PPARGC1A: variants seen among roughly 807,000 people sequenced by gnomAD.
PPARGC1A encodes the protein PPARG coactivator 1 alpha.
PPARGC1A carries 25 observed loss-of-function variants against 88.7 expected under a neutral mutation model. The ratio of observed to expected loss-of-function variants is 0.28; its 90% CI spans 0.21 to 0.39. The LOEUF (loss-of-function observed/expected upper bound fraction) is 0.39. PPARGC1A is among the 10% of genes least tolerant of loss of function. PPARGC1A has a pLI of 1.00. For synonymous variants in PPARGC1A, 363 were observed against 355.6 expected (o/e 1.02, Z -0.24); for missense variants, 880 against 968.7 (o/e 0.91, Z 1.22).
chr4:24,049,579 C>T, the PPARGC1A span, among the ~76,000 whole-genome samples: 1 of 151,932 alleles, frequency 6.6e-6, no homozygotes, highest in African/African-American at 2.4e-5. Flanking sequence ...AGTTGTATTA[C>T]ACATGCTTTA....
the PPARGC1A span, among the ~76,000 whole-genome samples, chr4:23,994,803 A>G: frequency 1.3e-5 from 2 of 152,302 alleles, no homozygotes; most frequent in East Asian, 3.9e-4. Context: ...CAGAAATGAC[A>G]GTGACTAGAC....
the PPARGC1A span, among the ~76,000 whole-genome samples, chr4:23,919,325 C>T: frequency 2.0e-5 from 3 of 151,900 alleles, no homozygotes; most frequent in Non-Finnish European, 4.4e-5. Flanking sequence ...CCTAAAAATT[C>T]GGCTTCACAT....
chr4:24,104,883 A>G, the PPARGC1A span, among the ~76,000 whole-genome samples: 16 of 152,208 alleles, frequency 1.1e-4, no homozygotes, highest in Non-Finnish European at 2.4e-4. Context: ...CAAATACTGC[A>G]GTTCACCAGC....
the PPARGC1A span, among the ~76,000 whole-genome samples, chr4:24,034,989 T>G: frequency 6.6e-6 from 1 of 152,132 alleles, no homozygotes; most frequent in Non-Finnish European, 1.5e-5. Context: ...ATAAAGAAAC[T>G]TGCAGCCACA....
the PPARGC1A span, among the ~76,000 whole-genome samples, chr4:24,200,622 C>A: frequency 9.0e-6 from 1 of 111,118 alleles, no homozygotes; most frequent in Non-Finnish European, 1.8e-5. Context: ...ACAAATGGAG[C>A]TTTAATGTAA....
chr4:24,040,614 C>A, the PPARGC1A span, among the ~76,000 whole-genome samples: 1 of 152,250 alleles, frequency 6.6e-6, no homozygotes, highest in Non-Finnish European at 1.5e-5. Flanking sequence ...AAAAAGCAGT[C>A]TAATTACAAT....
the PPARGC1A span, among the ~76,000 whole-genome samples, chr4:23,911,219 C>A: frequency 6.6e-6 from 1 of 152,176 alleles, no homozygotes; most frequent in Non-Finnish European, 1.5e-5. Context: ...TTCCTCCCCC[C>A]TCCCCTACTT....
the PPARGC1A span, among the ~76,000 whole-genome samples, chr4:23,992,517 A>C: frequency 8.5e-5 from 13 of 152,114 alleles, no homozygotes; most frequent in South Asian, 2.7e-3. Flanking sequence ...TAACTTGCCT[A>C]CCAAGTTTGC....
the PPARGC1A span, among the ~76,000 whole-genome samples, chr4:24,386,125 G>C: frequency 6.6e-6 from 1 of 152,036 alleles, no homozygotes; most frequent in Non-Finnish European, 1.5e-5. Flanking sequence ...CACATAAACA[G>C]AACCAATGAA....
chr4:24,241,533 C>T, the PPARGC1A span, among the ~76,000 whole-genome samples: 2 of 152,218 alleles, frequency 1.3e-5, no homozygotes. Flanking sequence ...CCTTTGGACT[C>T]ACAATGTGTT....
the PPARGC1A span, among the ~76,000 whole-genome samples, chr4:24,049,320 A>ATATATATATG: frequency 6.9e-6 from 1 of 145,486 alleles, no homozygotes. Context: ...ATATATATAT[A>ATATATATATG]TATGTGTGTG....
chr4:24,421,406 GT>G, the PPARGC1A span, among the ~76,000 whole-genome samples: 1 of 151,430 alleles, frequency 6.6e-6, no homozygotes, highest in East Asian at 1.9e-4. Context: ...CGCCTCCCGG[GT>G]TCACGCCCTT....
chr4:24,084,474 C>G, the PPARGC1A span, among the ~76,000 whole-genome samples: 1 of 152,174 alleles, frequency 6.6e-6, no homozygotes, highest in South Asian at 2.1e-4. Context: ...GAGAAAGGAG[C>G]AGAACTGTGC....
At chr4:23,924,384 T>C in the PPARGC1A span, among the ~76,000 whole-genome samples, 1 of 152,134 alleles carries the variant, frequency 6.6e-6, no homozygotes, top group Non-Finnish European at 1.5e-5. Flanking sequence ...TCCTAGCACT[T>C]CGGGAGGCCG....
At chr4:24,387,826 G>A in the PPARGC1A span, among the ~76,000 whole-genome samples, 8,348 of 47,972 alleles carry the variant, frequency 0.17, 733 homozygotes, top group Middle Eastern at 0.36. Context: ...GAAAGAAAGA[G>A]AGAAAGAGAG....
intron 10 of PPARGC1A, among the ~76,000 whole-genome samples, chr4:23,809,702 T>C (rs1273870724): frequency 6.6e-6 from 1 of 152,198 alleles, no homozygotes; most frequent in African/African-American, 2.4e-5. Context: ...AAATGAAGTA[T>C]TTTACACTAT....
chr4:24,389,831 G>C, the PPARGC1A span, among the ~76,000 whole-genome samples: 3 of 152,076 alleles, frequency 2.0e-5, no homozygotes. Context: ...CAAATGACAG[G>C]ATTCCCCACT....
chr4:23,874,623 T>G (rs1396291337), intron 2 of PPARGC1A, among the ~76,000 whole-genome samples: 2 of 152,164 alleles, frequency 1.3e-5, no homozygotes, highest in Non-Finnish European at 2.9e-5. Flanking sequence ...CTCACTACGC[T>G]TTGTAAAATT....
the PPARGC1A span, among the ~76,000 whole-genome samples, chr4:24,219,702 T>C: frequency 6.6e-6 from 1 of 152,172 alleles, no homozygotes; most frequent in East Asian, 1.9e-4. Context: ...AATGTGAAGA[T>C]AGGGATGATG....
Sources: gnomAD v4.1 joint callset for allele counts (sites outside exome capture counted in the v4.1 genomes callset) on GRCh38, gnomAD v4.1.1 for gene constraint, MANE v1.5 for transcripts, NCBI Gene and HGNC (gene_info 2026-07-23, HGNC 2026-07-21) for gene names.